GAB3: variants seen among roughly 807,000 people sequenced by gnomAD.
GAB3 encodes GRB2-associated-binding protein 3.
In GAB3, 12 loss-of-function variants were observed where a neutral mutation model predicts 40.4. The observed-to-expected ratio is 0.30, with a 90% CI of 0.19 to 0.48. The LOEUF is 0.48. Among genes scored for constraint, GAB3 ranks in the 20% least tolerant of loss-of-function variants. The pLI, the probability that GAB3 is intolerant of heterozygous loss-of-function variation, is 0.99. For missense variants in GAB3, 381 were observed against 461.9 expected, an observed-to-expected ratio of 0.82 and a Z score of 1.61; for synonymous variants, 154 against 176.7, an observed-to-expected ratio of 0.87 and a Z score of 1.02.
At chrX:154,744,084 C>T (rs782727927) in intron 1 of GAB3, among the ~76,000 whole-genome samples, 6 of 108,141 alleles carry the variant, frequency 5.5e-5, no homozygotes, top group East Asian at 2.9e-4. Context: ...TGTGGTGGCG[C>T]GTGCCTGTAA....
rs185920405 is a variant in GAB3, at chrX:154,736,917, A to G, written c.72+14037T>C. On this transcript the variant is annotated intron_variant, in intron 1 of 9. Coordinates refer to ENST00000424127, the MANE Select transcript of GAB3 (RefSeq NM_001081573.3). The stretch of plus-strand genomic sequence containing the variant: ...TTGTTGACTTCGAGTCCATCTCATC[A>G]CTTGGTTGTATTTCTTTCTTTATCA... 2.1e-4 allele frequency among the ~76,000 whole-genome samples: 24 copies of G among 112,119 alleles called. No individual in the cohort carries two copies. The East Asian group carries it at 6.2e-3, about 29-fold the overall frequency.
chrX:154,730,742 A>G (rs2071279342), intron 1 of GAB3, among the ~76,000 whole-genome samples: 1 of 112,128 alleles, frequency 8.9e-6, no homozygotes, highest in South Asian at 3.7e-4. Context: ...GGAGCAGGTT[A>G]CACACTTCTC....
chrX:154,742,871 G>T (rs1054623522), intron 1 of GAB3, among the ~76,000 whole-genome samples: 1 of 109,620 alleles, frequency 9.1e-6, no homozygotes, highest in Non-Finnish European at 1.9e-5. Flanking sequence ...GGAATTTTTT[G>T]TGGGGATAGA....
chrX:154,739,181 T>TA (rs2071403112), intron 1 of GAB3, among the ~76,000 whole-genome samples: 1 of 111,847 alleles, frequency 8.9e-6, no homozygotes, highest in African/African-American at 3.2e-5. Context: ...ATATATGATT[T>TA]AAAAAAACAA....
intron 1 of GAB3, among the ~76,000 whole-genome samples, chrX:154,721,898 G>A (rs1408792189): frequency 9.0e-6 from 1 of 111,458 alleles, no homozygotes; most frequent in Non-Finnish European, 1.9e-5. Flanking sequence ...TGACCCAGCA[G>A]ACCCTGACCC....
chrX:154,710,909 T>G (rs1387878560), intron 4 of GAB3, among the ~76,000 whole-genome samples: 1 of 112,676 alleles, frequency 8.9e-6, no homozygotes, highest in Non-Finnish European at 1.9e-5. Context: ...TCTACTGGTT[T>G]TATTCATTTC....
At chrX:154,704,169 C>T (rs1229049852) in intron 4 of GAB3, among the ~76,000 whole-genome samples, 2 of 108,908 alleles carry the variant, frequency 1.8e-5, no homozygotes, top group African/African-American at 6.7e-5. Flanking sequence ...CACATGTCCT[C>T]ACTTATTTGT....
At chrX:154,709,570 C>G (rs371330925) in intron 4 of GAB3, among the ~76,000 whole-genome samples, 7 of 109,375 alleles carry the variant, frequency 6.4e-5, no homozygotes, top group African/African-American at 2.3e-4. Flanking sequence ...TGCCCGCCCC[C>G]GCCTCCCAAA....
At chrX:154,705,027 A>G (rs1267196750) in intron 4 of GAB3, among the ~76,000 whole-genome samples, 4 of 111,461 alleles carry the variant, frequency 3.6e-5, no homozygotes, top group African/African-American at 1.3e-4. Context: ...AAGAGGTGAC[A>G]CCAATGCTTC....
intron 4 of GAB3, among the ~76,000 whole-genome samples, chrX:154,707,372 T>C (rs1324715289): frequency 8.9e-6 from 1 of 112,212 alleles, no homozygotes; most frequent in African/African-American, 3.2e-5. Context: ...AAATGATAAT[T>C]ATATTAGGTA....
intron 1 of GAB3, among the ~76,000 whole-genome samples, chrX:154,746,392 A>G (rs2071530109): frequency 8.9e-6 from 1 of 112,284 alleles, no homozygotes; most frequent in Non-Finnish European, 1.9e-5. Flanking sequence ...GTTACAACCA[A>G]CTGAAGTTTA....
chrX:154,721,164 A>G (rs1484995519), intron 1 of GAB3, among the ~76,000 whole-genome samples: 1 of 112,881 alleles, frequency 8.9e-6, no homozygotes, highest in Non-Finnish European at 1.9e-5. Flanking sequence ...TTACAAGTCA[A>G]TTGCGGAAAA....
intron 8 of GAB3, among the ~76,000 whole-genome samples, chrX:154,688,280 T>G (rs978793012): frequency 9.2e-6 from 1 of 108,665 alleles, no homozygotes; most frequent in African/African-American, 3.4e-5. Context: ...TTTTGTTTTG[T>G]TTTTGTTTTT....
chrX:154,732,794 TAC>T (rs782518893), intron 1 of GAB3, among the ~76,000 whole-genome samples: 13 of 110,928 alleles, frequency 1.2e-4, no homozygotes, highest in Admixed American at 4.8e-4. Context: ...CAGTTCTAAG[TAC>T]TCCTCTGGCT....
intron 8 of GAB3, 42 bp from the exon 9 acceptor site, chrX:154,680,290 C>A: frequency 1.0e-6 from 1 of 1,000,225 alleles, no homozygotes; most frequent in Non-Finnish European, 1.4e-6. Context: ...TGATGTCTAT[C>A]TTGGTTGCTC....
intron 1 of GAB3, among the ~76,000 whole-genome samples, chrX:154,747,016 A>AT (rs782295657): frequency 3.6e-5 from 4 of 111,391 alleles, no homozygotes; most frequent in East Asian, 2.8e-4. Context: ...TGGTAAATGG[A>AT]TTTTTTTTTA....
chrX:154,724,209 T>C (rs2071178179), intron 1 of GAB3, among the ~76,000 whole-genome samples: 2 of 110,007 alleles, frequency 1.8e-5, no homozygotes, highest in East Asian at 2.8e-4. Flanking sequence ...TAGCCAGGTG[T>C]GATGGCACGC....
intron 8 of GAB3, among the ~76,000 whole-genome samples, chrX:154,686,887 C>T (rs961006302): frequency 9.0e-6 from 1 of 111,146 alleles, no homozygotes; most frequent in African/African-American, 3.3e-5. Context: ...GGAAAAAAAT[C>T]AAAGAAAATC....
In GAB3 at chrX:154,678,060, G is replaced by C. The variant is rs377041719; in HGVS notation, c.*118C>G. ...CCTTGAAAACTACACATTCTCTCTTGGTTTTGACCTGTGTTGACCATCAGT... is the reference window on the plus strand; with the variant it reads ...CCTTGAAAACTACACATTCTCTCTTCGTTTTGACCTGTGTTGACCATCAGT... On this transcript the variant is annotated 3_prime_UTR_variant, in exon 10 of 10. Transcript: ENST00000424127. The C allele has an allele frequency of 3.1e-3, 1,386 of 442,126 alleles. 33 individuals are homozygous for C. In the South Asian group the frequency reaches 0.057, roughly 18 times the overall value. 36.4% of individuals were successfully genotyped at this position (442,126 alleles called of 1,213,427 possible).
Sources: allele counts gnomAD v4.1 joint callset (sites outside exome capture counted in the v4.1 genomes callset), GRCh38; gene constraint gnomAD v4.1.1; transcripts MANE v1.5; gene names NCBI Gene and HGNC (gene_info 2026-07-23, HGNC 2026-07-21).